PBX4: variants seen among roughly 807,000 people sequenced by gnomAD.
PBX4 encodes the protein PBX homeobox 4, also known as pre-B-cell leukemia transcription factor 4.
PBX4 carries 26 observed loss-of-function variants against 35.1 expected under a neutral mutation model. The observed-to-expected ratio is 0.74, with a 90% CI of 0.54 to 1.03. The LOEUF (loss-of-function observed/expected upper bound fraction) is 1.03, where lower values mean the gene tolerates loss of function less well. Among genes scored for constraint, PBX4 ranks in the 50% least tolerant of loss-of-function variants. The pLI is 0.00. For missense variants in PBX4, 448 were observed against 504.3 expected, an observed-to-expected ratio of 0.89 and a Z score of 1.07; for synonymous variants, 199 against 204.2, an observed-to-expected ratio of 0.97 and a Z score of 0.22.
intron 2 of PBX4, among the ~76,000 whole-genome samples, chr19:19,593,452 T>C (rs2061541114): frequency 6.6e-6 from 1 of 152,128 alleles, no homozygotes; most frequent in Non-Finnish European, 1.5e-5. Flanking sequence ...TGAGGACAGA[T>C]GGAGCAGAAT....
chr19:19,590,349 CT>C (rs201209528), intron 2 of PBX4, among the ~76,000 whole-genome samples: 2,271 of 152,276 alleles, frequency 0.015, 81 homozygotes, highest in South Asian at 0.077. Context: ...CTGGCTTCTC[CT>C]ACCCAGCATC....
intron 1 of PBX4, among the ~76,000 whole-genome samples, chr19:19,611,139 A>T (rs557661774): frequency 6.6e-6 from 1 of 152,172 alleles, no homozygotes; most frequent in African/African-American, 2.4e-5. Flanking sequence ...CATACTTTAT[A>T]AGTATATGTG....
chr19:19,612,491 A>G lies in PBX4; in HGVS notation c.119+6020T>C, dbSNP rs1033263441. Among the ~76,000 whole-genome samples, 3 of 152,144 alleles carry G rather than the reference A, an allele frequency of 2.0e-5. No homozygotes were observed. In the South Asian group the frequency reaches 6.2e-4, roughly 31 times the overall value. ...GTGGGCAGGATCAGAAAGATTTTCAAAAGCCTCACAGGATCAGTTGATCAG... is the reference window on the plus strand; with the variant it reads ...GTGGGCAGGATCAGAAAGATTTTCAGAAGCCTCACAGGATCAGTTGATCAG... On this transcript the variant is annotated intron_variant, in intron 1 of 7. Transcript: ENST00000251203.
Position 19,565,081 on chromosome 19 carries a change from G to A in PBX4, c.777C>T (p.Asn259=), listed in dbSNP as rs371142377. 2 of 1,614,088 alleles carry A rather than the reference G, an allele frequency of 1.2e-6. No individual in the cohort carries two copies. The highest frequency in any genetic ancestry group is 2.7e-5 in the African/African-American group (2 of 74,940). Residue 259 remains asparagine, a synonymous_variant, in exon 6 of 8, where the codon AAC becomes AAT. Coordinates refer to ENST00000251203, the MANE Select transcript of PBX4 (RefSeq NM_025245.3). ...KGGLTISQVS[N]WFGNKRIRYK... The stretch of plus-strand genomic sequence containing the variant: ...ACCGGATTCTTTTGTTGCCAAACCA[G>A]TTAGAGACCTGCGGACACACAGGAG...
chr19:19,617,338 G>T (rs550462000), intron 1 of PBX4, among the ~76,000 whole-genome samples: 2 of 151,940 alleles, frequency 1.3e-5, no homozygotes, highest in South Asian at 2.1e-4. Flanking sequence ...TTGAGACAGG[G>T]TCTAGCTCTG....
chr19:19,613,819 A>G (rs2061675291), intron 1 of PBX4, among the ~76,000 whole-genome samples: 1 of 152,210 alleles, frequency 6.6e-6, no homozygotes, highest in Non-Finnish European at 1.5e-5. Flanking sequence ...AACACAAAGT[A>G]TAATAAAGCC....
intron 5 of PBX4, among the ~76,000 whole-genome samples, chr19:19,568,701 ACCCTCAGGGAGCTCACACTCTGTCTGTAT>A (rs1568378591): frequency 4.2e-5 from 3 of 72,250 alleles, no homozygotes; most frequent in Non-Finnish European, 8.6e-5. Flanking sequence ...TCTGTCTGTA[ACCCTCAGGGAGCTCACACTCTGTCTGTAT>A]CCCTCAGGGA....
intron 5 of PBX4, among the ~76,000 whole-genome samples, chr19:19,568,723 GTCTGTATCCCTCAGGGAGCTCACACTCCA>G (rs2061360918): frequency 1.7e-5 from 2 of 118,468 alleles, no homozygotes; most frequent in African/African-American, 6.4e-5. Context: ...CTCACACTCT[GTCTGTATCCCTCAGGGAGCTCACACTCCA>G]TCTGTATCCC....
At chr19:19,572,441 T>A (rs2061389937) in intron 2 of PBX4, among the ~76,000 whole-genome samples, 1 of 152,130 alleles carries the variant, frequency 6.6e-6, no homozygotes, top group Non-Finnish European at 1.5e-5. Flanking sequence ...TCCGTTTGAT[T>A]ATATCATATA....
intron 2 of PBX4, among the ~76,000 whole-genome samples, chr19:19,586,097 T>A (rs2061487262): frequency 6.6e-6 from 1 of 152,202 alleles, no homozygotes; most frequent in Admixed American, 6.5e-5. Flanking sequence ...TTTAAAAAAA[T>A]GCCTACTGTT....
intron 1 of PBX4, among the ~76,000 whole-genome samples, chr19:19,607,536 TGA>T (rs1171250322): frequency 6.6e-6 from 1 of 152,146 alleles, no homozygotes; most frequent in Non-Finnish European, 1.5e-5. Context: ...GCAAAACAAT[TGA>T]GAGTCATATA....
Position 19,563,536 on chromosome 19 carries a change from A to T in PBX4, c.1005T>A (p.Pro335=). ...TLRTLASLQP[P]PGGGCLQSQA... is the part of the protein sequence containing the mutation. ...GGGACTGCAGGCAGCCTCCCCCAGG[A>T]GGAGGCTGGAGAGAGGCCAGAGTCC... Residue 335 remains proline (P), a synonymous_variant, in exon 7 of 8, where the codon CCT becomes CCA. Coordinates refer to ENST00000251203, the MANE Select transcript of PBX4 (RefSeq NM_025245.3). This position sits in a 1 kb window ranked among gnomAD's most constrained non-coding sequence, Gnocchi z 5.1. 1.3e-6 allele frequency: 2 copies of T among 1,550,080 alleles called. No individual in the cohort carries two copies. Among genetic ancestry groups the T allele is most frequent in the South Asian group, 2.4e-5 (2 of 83,976 alleles).
At chr19:19,593,963 A>C (rs1378713809) in intron 2 of PBX4, among the ~76,000 whole-genome samples, 1 of 151,064 alleles carries the variant, frequency 6.6e-6, no homozygotes, top group Non-Finnish European at 1.5e-5. Context: ...TCATCCCCCC[A>C]AAAATAGTCC....
intron 2 of PBX4, among the ~76,000 whole-genome samples, chr19:19,583,733 C>T (rs1204296908): frequency 1.3e-5 from 2 of 152,074 alleles, no homozygotes; most frequent in African/African-American, 4.8e-5. Flanking sequence ...GGGGAATCAC[C>T]TGAGGTCAGG....
chr19:19,568,457 C>A (rs1486853253), intron 5 of PBX4, among the ~76,000 whole-genome samples: 23 of 149,546 alleles, frequency 1.5e-4, no homozygotes, highest in Non-Finnish European at 5.9e-5. Context: ...GGAGCTCACA[C>A]TCCACCTCAG....
At chr19:19,585,660 A>T (rs2061484396) in intron 2 of PBX4, among the ~76,000 whole-genome samples, 1 of 152,226 alleles carries the variant, frequency 6.6e-6, no homozygotes, top group Non-Finnish European at 1.5e-5. Flanking sequence ...GCCTTAACTG[A>T]TGACATTCCA....
intron 2 of PBX4, among the ~76,000 whole-genome samples, chr19:19,584,695 G>A (rs1331641219): frequency 2.0e-5 from 3 of 146,498 alleles, no homozygotes; most frequent in Admixed American, 1.4e-4. Context: ...GCACAATCTC[G>A]GCTCACGGCA....
At chr19:19,616,604 A>G (rs1243777171) in intron 1 of PBX4, among the ~76,000 whole-genome samples, 3 of 152,008 alleles carry the variant, frequency 2.0e-5, no homozygotes, top group Non-Finnish European at 4.4e-5. Flanking sequence ...GGTGTCAGCC[A>G]CTGTGCCTGG....
At position 19,564,993 on chromosome 19, in the gene PBX4, C is replaced by A; in HGVS notation, c.865G>T (p.Asp289Tyr). The A allele has an allele frequency of 6.2e-7, 1 of 1,614,214 alleles. No homozygotes were observed. The change falls in exon 6 of 8, where the codon GAT becomes TAT. Residue 289 changes from aspartate (D) to tyrosine (Y), a missense_variant. Asp to Tyr is a radical substitution (Grantham distance 160, BLOSUM62 -3). Coordinates refer to ENST00000251203, the MANE Select transcript of PBX4 (RefSeq NM_025245.3). ...CCTGGGACCCCAACTTCCGTGGTATCCACAGCCGTTTTACCCGTGTAAATG... is the reference window on the plus strand; with the variant it reads ...CCTGGGACCCCAACTTCCGTGGTATACACAGCCGTTTTACCCGTGTAAATG... ...ATIYTGKTAV[D>Y]TTEVGVPGNH...
Sources: allele counts gnomAD v4.1 joint callset (sites outside exome capture counted in the v4.1 genomes callset), GRCh38; gene constraint gnomAD v4.1.1; non-coding constraint Gnocchi (gnomAD v3.1); transcripts MANE v1.5; gene names NCBI Gene and HGNC (gene_info 2026-07-23, HGNC 2026-07-21).